The following VSIG10L variants were observed in gnomAD, a reference collection of about 807,000 sequenced individuals.
VSIG10L encodes V-set and immunoglobulin domain containing 10 like, also known as V-set and immunoglobulin domain-containing protein 10-like.
VSIG10L carries 63 observed loss-of-function variants against 67.3 expected under a neutral mutation model. That is an observed-to-expected ratio of 0.94 (90% CI 0.76 to 1.15). VSIG10L has a LOEUF of 1.15. Ranked by LOEUF, VSIG10L falls within the 50% of genes most tolerant of loss-of-function variation. The pLI, the probability that VSIG10L is intolerant of heterozygous loss-of-function variation, is 0.00. For synonymous variants in VSIG10L, 499 were observed against 524.9 expected, an observed-to-expected ratio of 0.95 and a Z score of 0.67; for missense variants, 1,050 against 1,177.5, an observed-to-expected ratio of 0.89 and a Z score of 1.58.
chr19:51,340,639 C>A lies in VSIG10L; in HGVS notation c.983G>T (p.Gly328Val). The change falls in exon 3 of 10, where the codon GGG (glycine) becomes GTG (valine). Residue 328 changes from glycine (G) to valine (V), a missense_variant. Gly to Val is a moderately radical substitution (Grantham distance 109, BLOSUM62 -3). Around this residue, in one of 3 missense-constraint regions of VSIG10L, gnomAD observed 511 missense variants for 557.9 expected, o/e 0.92. Coordinates refer to ENST00000335624, the MANE Select transcript of VSIG10L (RefSeq NM_001163922.3). The surrounding 1 kb of genome is among the most constrained non-coding windows in gnomAD (Gnocchi z 6.3). Reference sequence around the variant, plus strand: ...CCAGCTCAGCTCCCCGCGACCTGGCCCCCACCCCAGGCAGCGCAGCCGGAG... The same window carrying A: ...CCAGCTCAGCTCCCCGCGACCTGGCACCCACCCCAGGCAGCGCAGCCGGAG... ...AELRLRCLGW[G>V]PGRGELSWSR... is the part of the protein sequence containing the mutation. 6.5e-7 allele frequency: 1 copy of A among 1,533,864 alleles called. No individual in the cohort carries two copies. Among genetic ancestry groups the A allele is most frequent in the Non-Finnish European group, 8.7e-7 (1 of 1,145,722 alleles).
intron 7 of VSIG10L, among the ~76,000 whole-genome samples, chr19:51,335,087 C>T (rs540774890): frequency 2.6e-5 from 4 of 152,108 alleles, no homozygotes; most frequent in African/African-American, 9.7e-5. Context: ...ATACTAAACC[C>T]GGGGAAAGGG....
intron 7 of VSIG10L, among the ~76,000 whole-genome samples, chr19:51,336,655 C>T (rs1354650640): frequency 1.3e-4 from 20 of 151,810 alleles, no homozygotes; most frequent in Non-Finnish European, 2.9e-5. Flanking sequence ...GATGCAGCTG[C>T]AAGTCCAGGA....
At position 51,338,203 on chromosome 19, in the gene VSIG10L, G is replaced by C; in HGVS notation, c.1735C>G (p.Pro579Ala). The change falls in exon 6 of 10, where the codon CCC (proline) becomes GCC (alanine). Residue 579 changes from proline (P) to alanine (A), a missense_variant. Coordinates refer to ENST00000335624, the MANE Select transcript of VSIG10L (RefSeq NM_001163922.3). The stretch of plus-strand genomic sequence containing the variant: ...AGCGGATGCAGCAGCACCTCTCGGG[G>C]GGCCTCTGCCGGTGGGAGAAGTCCA... ...TRTCTVTPEA[P>A]REVLLHPLVA... 6.8e-7 allele frequency: 1 copy of C among 1,467,648 alleles called. No individual in the cohort carries two copies. The highest frequency in any genetic ancestry group is 9.0e-7 in the Non-Finnish European group (1 of 1,108,366). The allele number at this position is 1,467,648 out of a possible 1,614,324, so 90.9% of individuals were successfully genotyped here. A position where few individuals can be genotyped will look rare whatever the true frequency, so the allele number is the denominator to read the frequency against.
chr19:51,335,408 C>A (rs1985457485), intron 7 of VSIG10L, among the ~76,000 whole-genome samples: 1 of 152,084 alleles, frequency 6.6e-6, no homozygotes, highest in African/African-American at 2.4e-5. Context: ...AGAGAGGATG[C>A]TGTGTTTGAC....
At position 51,340,297 on chromosome 19, in the gene VSIG10L, C is replaced by T; in HGVS notation, c.1192G>A (p.Gly398Ser). 6.6e-7 allele frequency: 1 copy of T among 1,516,930 alleles called. No homozygotes were observed. Among genetic ancestry groups the T allele is most frequent in the Non-Finnish European group, 8.8e-7 (1 of 1,138,646 alleles). The allele number at this position is 1,516,930 out of a possible 1,614,324, so 94.0% of individuals were successfully genotyped here. A position where few individuals can be genotyped will look rare whatever the true frequency, so the allele number is the denominator to read the frequency against. The change falls in exon 4 of 10, where the codon GGC (glycine) becomes AGC (serine). Residue 398 changes from glycine (G) to serine (S), a missense_variant and splice_region_variant. By Grantham distance (56) the Gly-to-Ser change is moderately conservative. Transcript: ENST00000335624. This position sits in a 1 kb window ranked among gnomAD's most constrained non-coding sequence, Gnocchi z 6.3. ...ACCGTGATGGTCGGCGGGTCCGGGC[C>T]GTCTGGAGGGAGGAGGGGTCGGGAC... is the stretch of plus-strand genomic sequence containing the variant. ...EAAADVSVFY[G>S]PDPPTITVSS...
Position 51,332,398 on chromosome 19 carries a change from T to C in VSIG10L, c.*213A>G. The C allele has an allele frequency of 1.5e-6, 1 of 656,000 alleles. No individual in the cohort carries two copies. The highest frequency in any genetic ancestry group is 1.7e-5 in the South Asian group (1 of 60,142). The allele number at this position is 656,000 out of a possible 1,614,324, so 40.6% of individuals were successfully genotyped here. A position where few individuals can be genotyped will look rare whatever the true frequency, so the allele number is the denominator to read the frequency against. On this transcript the variant is annotated 3_prime_UTR_variant, in exon 10 of 10. Coordinates refer to ENST00000335624, the MANE Select transcript of VSIG10L (RefSeq NM_001163922.3). ...AGAGTTTCCCAGCCAAGAAGTCACA[T>C]CTCCTTACTTGCACAAATACAGGAA... is the stretch of plus-strand genomic sequence containing the variant.
Position 51,339,005 on chromosome 19 carries a change from C to T in VSIG10L, c.1612G>A (p.Gly538Arg), listed in dbSNP as rs756686177. 4 of 1,398,580 alleles carry T rather than the reference C, an allele frequency of 2.9e-6. No individual in the cohort carries two copies. The highest frequency in any genetic ancestry group is 3.7e-4 in the Middle Eastern group (2 of 5,340). 86.6% of individuals were successfully genotyped at this position (1,398,580 alleles called of 1,614,324 possible). A position where few individuals can be genotyped will look rare whatever the true frequency, so the allele number is the denominator to read the frequency against. ...FQGLPEGIRA[G>R]PVSSVLLAAV... ...GCCAGCAGCACAGAGGACACTGGCCCGGCGCGGATGCCTTCGGGGAGACCC... is the reference window on the plus strand; with the variant it reads ...GCCAGCAGCACAGAGGACACTGGCCTGGCGCGGATGCCTTCGGGGAGACCC... The change falls in exon 5 of 10, where the codon GGG (glycine) becomes AGG (arginine). Residue 538 changes from glycine to arginine, a missense_variant. Physicochemically the swap from Gly to Arg is moderately radical, Grantham distance 125 (BLOSUM62 -2). Around this residue, in one of 3 missense-constraint regions of VSIG10L, gnomAD observed 529 missense variants for 584.9 expected, o/e 0.90. Coordinates refer to ENST00000335624, the MANE Select transcript of VSIG10L (RefSeq NM_001163922.3).
chr19:51,337,071 C>T (rs1985501163), intron 7 of VSIG10L, among the ~76,000 whole-genome samples, 167 bp downstream of exon 7: 1 of 152,196 alleles, frequency 6.6e-6, no homozygotes, highest in Non-Finnish European at 1.5e-5. Flanking sequence ...CAGCCGACAC[C>T]TTGATTTTAG....
chr19:51,338,917 A>G lies in VSIG10L; in HGVS notation c.1700T>C (p.Val567Ala). 1.4e-6 allele frequency: 2 copies of G among 1,444,002 alleles called. No homozygotes were observed. Among genetic ancestry groups the G allele is most frequent in the Non-Finnish European group, 1.8e-6 (2 of 1,094,778 alleles). The allele number at this position is 1,444,002 out of a possible 1,614,324, so 89.4% of individuals were successfully genotyped here. Residue 567 changes from valine (V) to alanine (A), a missense_variant, in exon 5 of 10, where the codon GTG (valine) becomes GCG (alanine). By Grantham distance (64) the Val-to-Ala change is moderately conservative. Around this residue, in one of 3 missense-constraint regions of VSIG10L, gnomAD observed 529 missense variants for 584.9 expected, o/e 0.90. Coordinates refer to ENST00000335624, the MANE Select transcript of VSIG10L (RefSeq NM_001163922.3). ...CGTGACTGTGCAGGTACGCGTGGCC[A>G]CCAGGTGGCGAGCAAGGCAGGTGAT... is the stretch of plus-strand genomic sequence containing the variant. ...VPITCLARHLVATRTCTVTPE... is the reference protein window; with the variant it reads ...VPITCLARHLAATRTCTVTPE...
In VSIG10L at chr19:51,340,381, C is replaced by A; in HGVS notation, c.1189+52G>T. On this transcript the variant is annotated intron_variant, in intron 3 of 9. Transcript: ENST00000335624. This position sits in a 1 kb window ranked among gnomAD's most constrained non-coding sequence, Gnocchi z 6.3. ...GACTCCCGGAGACTGGGTCCCCAGCCCGCTTCTCCCCAAGGACCCCCTGTC... is the reference window on the plus strand; with the variant it reads ...GACTCCCGGAGACTGGGTCCCCAGCACGCTTCTCCCCAAGGACCCCCTGTC... The A allele has an allele frequency of 6.9e-7, 1 of 1,459,744 alleles. No homozygotes were observed. Among genetic ancestry groups the A allele is most frequent in the Admixed American group, 2.3e-5 (1 of 42,702 alleles). The allele number at this position is 1,459,744 out of a possible 1,614,324, so 90.4% of individuals were successfully genotyped here. A position where few individuals can be genotyped will look rare whatever the true frequency, so the allele number is the denominator to read the frequency against.
At chr19:51,339,277 G>C (rs1985564754) in intron 4 of VSIG10L, 135 bp from the exon 5 acceptor site, 1 of 977,696 alleles carries the variant, frequency 1.0e-6, no homozygotes, top group Non-Finnish European at 1.3e-6. Context: ...CTTTTCCTGC[G>C]ATCCCGTTCC....
At chr19:51,337,574 AG>A in intron 6 of VSIG10L, 40 bp from the exon 7 acceptor site, 1 of 621,018 alleles carries the variant, frequency 1.6e-6, no homozygotes. Context: ...TGGGTGCCAG[AG>A]GGGAGAGGGA....
In VSIG10L at chr19:51,340,087, T is replaced by A. The variant is rs1985588578; in HGVS notation, c.1402A>T (p.Thr468Ser). ...GGGTTCGCCGCCAGGCAGGCGTAGG[T>A]GCCTGCGTGGCCCGGTCCGACCGCG... ...LPAVGPGHAG[T>S]YACLAANPRT... Residue 468 changes from threonine (T) to serine (S), a missense_variant, in exon 4 of 10, where the codon ACC (threonine) becomes TCC (serine). Transcript: ENST00000335624. This position sits in a 1 kb window ranked among gnomAD's most constrained non-coding sequence, Gnocchi z 6.3. The A allele has an allele frequency of 2.9e-6, 4 of 1,401,166 alleles. No individual in the cohort carries two copies. The highest frequency in any genetic ancestry group is 1.5e-5 in the African/African-American group (1 of 66,648). 86.8% of individuals were successfully genotyped at this position (1,401,166 alleles called of 1,614,324 possible).
At chr19:51,339,260 C>T (rs1211266368) in intron 4 of VSIG10L, 118 bp from the exon 5 acceptor site, 1 of 1,094,294 alleles carries the variant, frequency 9.1e-7, no homozygotes, top group African/African-American at 1.6e-5. Flanking sequence ...GGCGCTCACA[C>T]TCCCCACTTT....
rs1024291359 is a variant in VSIG10L, at chr19:51,340,616, A to G, written c.1006T>C (p.Trp336Arg). 2.3e-5 allele frequency: 35 copies of G among 1,534,680 alleles called. No individual in the cohort carries two copies. Among genetic ancestry groups the G allele is most frequent in the Non-Finnish European group, 3.0e-5 (34 of 1,146,236 alleles). ...TCCAGGGCGCGTCCGTCCCGGCTCC[A>G]GCTCAGCTCCCCGCGACCTGGCCCC... ...GWGPGRGELS[W>R]SRDGRALEAA... The change falls in exon 3 of 10, where the codon TGG becomes CGG. Residue 336 changes from tryptophan (W) to arginine (R), a missense_variant. By Grantham distance (101) the Trp-to-Arg change is moderately radical. Coordinates refer to ENST00000335624, the MANE Select transcript of VSIG10L (RefSeq NM_001163922.3). The surrounding 1 kb of genome is among the most constrained non-coding windows in gnomAD (Gnocchi z 6.3).
rs1177413876 is a variant in VSIG10L, at chr19:51,337,240, G to A, written c.2303C>T (p.Ala768Val). 3.9e-6 allele frequency: 6 copies of A among 1,545,072 alleles called. No homozygotes were observed. Reference protein sequence around the residue: ...GTPSQSRVYRAGPTLSHGAIA... With the variant: ...GTPSQSRVYRVGPTLSHGAIA... Reference sequence around the variant, plus strand: ...CTACTCTGACAGCCCCAACTCACCGGCCCGGTAGACCCGGCTTTGTGATGG... The same window carrying A: ...CTACTCTGACAGCCCCAACTCACCGACCCGGTAGACCCGGCTTTGTGATGG... Residue 768 changes from alanine to valine, a missense_variant and splice_region_variant, in exon 7 of 10, where the codon GCC (alanine) becomes GTC (valine). This residue lies in a region of VSIG10L where 529 missense variants were observed against 584.9 expected (regional missense o/e 0.90). Coordinates refer to ENST00000335624, the MANE Select transcript of VSIG10L (RefSeq NM_001163922.3).
Position 51,340,526 on chromosome 19 carries a change from C to G in VSIG10L, c.1096G>C (p.Val366Leu). The G allele has an allele frequency of 1.3e-6, 2 of 1,534,536 alleles. No individual in the cohort carries two copies. The highest frequency in any genetic ancestry group is 1.4e-5 in the African/African-American group (1 of 73,006). Residue 366 changes from valine (V) to leucine (L), a missense_variant, in exon 3 of 10, where the codon GTG becomes CTG. This residue lies in a region of VSIG10L where 511 missense variants were observed against 557.9 expected (regional missense o/e 0.92). Coordinates refer to ENST00000335624, the MANE Select transcript of VSIG10L (RefSeq NM_001163922.3). The surrounding 1 kb of genome is among the most constrained non-coding windows in gnomAD (Gnocchi z 6.3). ...MRSEGDQLLI[V>L]RPVRSDHARY... is the part of the protein sequence containing the mutation. ...GCGTGGTCGCTGCGCACAGGGCGCA[C>G]GATGAGCAGCTGGTCGCCCTCTGAG...
In VSIG10L at chr19:51,340,604, C is replaced by T; in HGVS notation, c.1018G>A (p.Gly340Arg). Residue 340 changes from glycine (G) to arginine (R), a missense_variant, in exon 3 of 10, where the codon GGA (glycine) becomes AGA (arginine). This residue lies in a region of VSIG10L where 511 missense variants were observed against 557.9 expected (regional missense o/e 0.92). Coordinates refer to ENST00000335624, the MANE Select transcript of VSIG10L (RefSeq NM_001163922.3). This position sits in a 1 kb window ranked among gnomAD's most constrained non-coding sequence, Gnocchi z 6.3. The stretch of plus-strand genomic sequence containing the variant: ...GATTCCGCCGCCTCCAGGGCGCGTC[C>T]GTCCCGGCTCCAGCTCAGCTCCCCG... ...GRGELSWSRD[G>R]RALEAAESEG... 1.3e-6 allele frequency: 2 copies of T among 1,535,258 alleles called. No homozygotes were observed. The highest frequency in any genetic ancestry group is 1.2e-5 in the South Asian group (1 of 83,968).
At position 51,341,855 on chromosome 19, in the gene VSIG10L, G is replaced by A. The variant is rs1356884514; in HGVS notation, c.193C>T (p.Gln65Ter). The A allele has an allele frequency of 6.4e-7, 1 of 1,551,530 alleles. No homozygotes were observed. Residue 65 changes from glutamine to a stop codon, truncating the protein, a stop_gained, in exon 2 of 10, where the codon CAG becomes TAG. Coordinates refer to ENST00000335624, the MANE Select transcript of VSIG10L (RefSeq NM_001163922.3). LOFTEE classifies it high-confidence loss of function. The stretch of plus-strand genomic sequence containing the variant: ...GCAGAGGCTTTTGAATCCAGGAACT[G>A]ATCTGGAACTTTCCAGCTGGGAGGT... The part of the protein sequence containing the change: ...IKPPSWKVPD[Q>*]FLDSKASAGI...
Sources: gnomAD v4.1 joint callset for allele counts (sites outside exome capture counted in the v4.1 genomes callset) on GRCh38, gnomAD v4.1.1 for gene constraint, gnomAD v4.1.1 regional missense constraint, Gnocchi (gnomAD v3.1) non-coding constraint, MANE v1.5 for transcripts, NCBI Gene and HGNC (gene_info 2026-07-23, HGNC 2026-07-21) for gene names.